Variants in STX11 observed in about 807,000 individuals in gnomAD.
STX11 encodes the protein syntaxin 11.
In STX11, 21 loss-of-function variants were observed where a neutral mutation model predicts 19.9. That is an observed-to-expected ratio of 1.06 (90% CI 0.75 to 1.52). The LOEUF is 1.52. Among genes scored for constraint, STX11 ranks in the 40% most tolerant of loss-of-function variants. The probability of loss-of-function intolerance (pLI) is 0.00; values close to 1 mark genes in which losing one functional copy is unlikely to be tolerated. For missense variants in STX11, 438 were observed against 405.9 expected, an observed-to-expected ratio of 1.08 and a Z score of -0.68; for synonymous variants, 193 against 174.4, an observed-to-expected ratio of 1.11 and a Z score of -0.84.
rs11963064 is a variant in STX11, at chr6:144,154,751, C to T, written c.-6+4048C>T. On this transcript the variant is annotated intron_variant, in intron 1 of 1. Coordinates refer to ENST00000367568, the MANE Select transcript of STX11 (RefSeq NM_003764.4). This position sits in a 1 kb window ranked among gnomAD's most constrained non-coding sequence, Gnocchi z 4.7. ...TGTTCTAGTTTTACCCTGAAGCAGG[C>T]GCCTTACCTGCCTCTAACTTCCAGA... is the stretch of plus-strand genomic sequence containing the variant. Among the ~76,000 whole-genome samples the T allele has an allele frequency of 0.021, 3,226 of 152,290 alleles. 92 individuals are homozygous for T. The highest frequency in any genetic ancestry group is 0.072 in the African/African-American group (2,978 of 41,534).
chr6:144,168,519 A>G (rs1801541498), intron 1 of STX11, among the ~76,000 whole-genome samples: 1 of 152,246 alleles, frequency 6.6e-6, no homozygotes, highest in South Asian at 2.1e-4. Context: ...TGTTAAAAAA[A>G]ACTTCATTGA....
rs751519427 is a variant in STX11, at chr6:144,188,803, T to G, written c.*1312T>G. On this transcript the variant is annotated 3_prime_UTR_variant, in exon 2 of 2. Coordinates refer to ENST00000367568, the MANE Select transcript of STX11 (RefSeq NM_003764.4). ...GTGCAGTGGCAGGATCTTGGCTCAT[T>G]GCAACCTCTGTCTCCCAGGTTCGAG... is the stretch of plus-strand genomic sequence containing the variant. Among the ~76,000 whole-genome samples the G allele has an allele frequency of 2.1e-4, 32 of 150,662 alleles. No individual in the cohort carries two copies. The highest frequency in any genetic ancestry group is 4.3e-4 in the Non-Finnish European group (29 of 67,744).
intron 1 of STX11, among the ~76,000 whole-genome samples, chr6:144,158,452 G>A (rs1008399069): frequency 6.6e-6 from 1 of 152,196 alleles, no homozygotes; most frequent in African/African-American, 2.4e-5. Context: ...TGGGGGATGG[G>A]AATCAGTGAA....
At position 144,184,837 on chromosome 6, in the gene STX11, A is replaced by C. The variant is rs574752304; in HGVS notation, c.-5-1786A>C. ...ATTGCTTCACTGTCTTTGGGTAAGT[A>C]GATTTTTTGGTAGCTTAGAAATATA... On this transcript the variant is annotated intron_variant, in intron 1 of 1. Coordinates refer to ENST00000367568, the MANE Select transcript of STX11 (RefSeq NM_003764.4). This position sits in a 1 kb window ranked among gnomAD's most constrained non-coding sequence, Gnocchi z 6.5. Among the ~76,000 whole-genome samples, 13 of 152,358 alleles carry C rather than the reference A, an allele frequency of 8.5e-5. No individual in the cohort carries two copies. The highest frequency in any genetic ancestry group is 3.1e-4 in the African/African-American group (13 of 41,580).
chr6:144,142,567 T>C, the STX11 span, among the ~76,000 whole-genome samples: 1,249 of 152,322 alleles, frequency 8.2e-3, 14 homozygotes, highest in African/African-American at 0.028. Context: ...ATAAACACAA[T>C]GGAATACTAT....
chr6:144,157,981 C>A (rs1432968114), intron 1 of STX11, among the ~76,000 whole-genome samples: 4 of 148,404 alleles, frequency 2.7e-5, no homozygotes, highest in Admixed American at 6.7e-5. Flanking sequence ...AAAAAAAAAA[C>A]AGGGGAAAAA....
chr6:144,179,976 C>G (rs1038757257), intron 1 of STX11, among the ~76,000 whole-genome samples: 2 of 152,142 alleles, frequency 1.3e-5, no homozygotes, highest in East Asian at 1.9e-4. Context: ...AGCCGAATTC[C>G]ATTTGCAAAG....
In STX11 at chr6:144,176,485, T is replaced by C. The variant is rs1389313851; in HGVS notation, c.-5-10138T>C. Among the ~76,000 whole-genome samples, 1 of 152,190 alleles carries C rather than the reference T, an allele frequency of 6.6e-6. No homozygotes were observed. Among genetic ancestry groups the C allele is most frequent in the East Asian group, 1.9e-4 (1 of 5,198 alleles). ...GGTGCACACAGTCTGTCACTGAGAT[T>C]CGTTTTTCCTTCCTTGCTTTACGGA... On this transcript the variant is annotated intron_variant, in intron 1 of 1. Transcript: ENST00000367568. The surrounding 1 kb of genome is among the most constrained non-coding windows in gnomAD (Gnocchi z 4.1).
Position 144,156,000 on chromosome 6 carries a change from T to C in STX11, c.-6+5297T>C, listed in dbSNP as rs183435045. ...TTTCTTTCTTTCTTTCTTTCTTTCT[T>C]TCTTTCTTTCTTTCTCTCTTTCTCT... On this transcript the variant is annotated intron_variant, in intron 1 of 1. Coordinates refer to ENST00000367568, the MANE Select transcript of STX11 (RefSeq NM_003764.4). This position sits in a 1 kb window ranked among gnomAD's most constrained non-coding sequence, Gnocchi z 4.5. 3.5e-3 allele frequency among the ~76,000 whole-genome samples: 395 copies of C among 112,386 alleles called. 12 individuals carry two copies. Among genetic ancestry groups the C allele is most frequent in the African/African-American group, 0.015 (343 of 22,394 alleles). 73.7% of individuals were successfully genotyped at this position (112,386 alleles called of 152,430 possible).
Position 144,187,398 on chromosome 6 carries a change from C to A in STX11, c.771C>A (p.Gly257=), listed in dbSNP as rs1584063369. The A allele has an allele frequency of 6.2e-7, 1 of 1,611,290 alleles. No individual in the cohort carries two copies. Among genetic ancestry groups the A allele is most frequent in the East Asian group, 2.2e-5 (1 of 44,860 alleles). Residue 257 remains glycine, a synonymous_variant, in exon 2 of 2, where the codon GGC becomes GGA. Transcript: ENST00000367568. The surrounding 1 kb of genome is among the most constrained non-coding windows in gnomAD (Gnocchi z 5.6). The part of the protein sequence containing the change: ...LNVQKTVDYT[G]QAKAQVRKAV... ...TACAAAAGACGGTCGACTACACCGGCCAGGCCAAGGCGCAGGTGCGGAAGG... is the reference window on the plus strand; with the variant it reads ...TACAAAAGACGGTCGACTACACCGGACAGGCCAAGGCGCAGGTGCGGAAGG...
chr6:144,181,484 A>G (rs975202488), intron 1 of STX11, among the ~76,000 whole-genome samples: 3 of 151,426 alleles, frequency 2.0e-5, no homozygotes, highest in Non-Finnish European at 4.4e-5. Context: ...AATTCAAGCT[A>G]CATGGGAGGC....
rs1801960254 is a variant in STX11 at position 144,183,625 on chromosome 6, T to G, written c.-5-2998T>G. Reference sequence around the variant, plus strand: ...ACCACAGGAGTTTTAAATTAGACTTTTTTTTAATCTAGAAAAAAAATTTAA... The same window carrying G: ...ACCACAGGAGTTTTAAATTAGACTTGTTTTTAATCTAGAAAAAAAATTTAA... On this transcript the variant is annotated intron_variant, in intron 1 of 1. Transcript: ENST00000367568. This position sits in a 1 kb window ranked among gnomAD's most constrained non-coding sequence, Gnocchi z 4.6. 6.6e-6 allele frequency among the ~76,000 whole-genome samples: 1 copy of G among 152,238 alleles called. No individual in the cohort carries two copies. Among genetic ancestry groups the G allele is most frequent in the Non-Finnish European group, 1.5e-5 (1 of 68,040 alleles).
chr6:144,181,041 A>G (rs149436126), intron 1 of STX11, among the ~76,000 whole-genome samples: 16 of 152,210 alleles, frequency 1.1e-4, no homozygotes, highest in African/African-American at 3.9e-4. Context: ...AGAATAAACT[A>G]TTTCAAACAT....
At position 144,170,035 on chromosome 6, in the gene STX11, A is replaced by G. The variant is rs1046215496; in HGVS notation, c.-5-16588A>G. ...TCATTTTCAGGATGGAACTTCAACA[A>G]TTTATCTTTTTGTTTCTTCAGGTCA... On this transcript the variant is annotated intron_variant, in intron 1 of 1. Transcript: ENST00000367568. The surrounding 1 kb of genome is among the most constrained non-coding windows in gnomAD (Gnocchi z 4.7). Among the ~76,000 whole-genome samples the G allele has an allele frequency of 5.3e-5, 8 of 152,016 alleles. No homozygotes were observed. Among genetic ancestry groups the G allele is most frequent in the Non-Finnish European group, 1.0e-4 (7 of 68,010 alleles).
Position 144,187,527 on chromosome 6 carries a change from C to A in STX11, c.*36C>A, listed in dbSNP as rs759639403. The stretch of plus-strand genomic sequence containing the variant: ...CGGGCCGCCACCGCCCATCCCAGAC[C>A]ATGGAGCGCGCTGGGAAGGACGCAC... On this transcript the variant is annotated 3_prime_UTR_variant, in exon 2 of 2. Transcript: ENST00000367568. The surrounding 1 kb of genome is among the most constrained non-coding windows in gnomAD (Gnocchi z 5.6). 2 of 1,611,474 alleles carry A rather than the reference C, an allele frequency of 1.2e-6. No homozygotes were observed. The highest frequency in any genetic ancestry group is 1.7e-6 in the Non-Finnish European group (2 of 1,179,842).
At chr6:144,147,626 C>T (rs76511246), upstream of STX11, among the ~76,000 whole-genome samples, 338 of 152,294 alleles carry the variant, frequency 2.2e-3, 4 homozygotes, top group East Asian at 0.041. This position sits in a 1 kb window ranked among gnomAD's most constrained non-coding sequence, Gnocchi z 4.2. Flanking sequence ...CAACTGCCTT[C>T]ATGACAACTT....
Position 144,151,116 on chromosome 6 carries a change from C to A in STX11, c.-6+413C>A. 1 of 433,106 alleles carries A rather than the reference C, an allele frequency of 2.3e-6. No homozygotes were observed. The allele number at this position is 433,106 out of a possible 1,614,324, so 26.8% of individuals were successfully genotyped here. ...CCTAGTAGGGTGACTGTGTCAAAAA[C>A]ACCAGAATGGGTACTTCTTGACTTG... On this transcript the variant is annotated intron_variant, in intron 1 of 1. Coordinates refer to ENST00000367568, the MANE Select transcript of STX11 (RefSeq NM_003764.4). The surrounding 1 kb of genome is among the most constrained non-coding windows in gnomAD (Gnocchi z 4.6).
At chr6:144,157,036 T>C (rs961961712) in intron 1 of STX11, among the ~76,000 whole-genome samples, 8 of 152,318 alleles carry the variant, frequency 5.3e-5, no homozygotes, top group African/African-American at 1.9e-4. Context: ...GCCTGCTACA[T>C]GATGCTGTCA....
rs1322731303 is a variant in STX11 at position 144,191,342 on chromosome 6, A to G, written c.*3851A>G. 1.3e-5 allele frequency among the ~76,000 whole-genome samples: 2 copies of G among 150,526 alleles called. No individual in the cohort carries two copies. Among genetic ancestry groups the G allele is most frequent in the Non-Finnish European group, 3.0e-5 (2 of 67,748 alleles). On this transcript the variant is annotated 3_prime_UTR_variant, in exon 2 of 2. Transcript: ENST00000367568. ...TCAAAAATATTTGAACTGTGACATCACAGAAGTAATTTTATGGCCTTTTAA... is the reference window on the plus strand; with the variant it reads ...TCAAAAATATTTGAACTGTGACATCGCAGAAGTAATTTTATGGCCTTTTAA...
Sources: allele counts gnomAD v4.1 joint callset (sites outside exome capture counted in the v4.1 genomes callset), GRCh38; gene constraint gnomAD v4.1.1; non-coding constraint Gnocchi (gnomAD v3.1); transcripts MANE v1.5; gene names NCBI Gene and HGNC (gene_info 2026-07-23, HGNC 2026-07-21).